Variants in CCDC13 observed in about 807,000 individuals in gnomAD.
CCDC13 encodes the protein coiled-coil domain-containing protein 13.
CCDC13 carries 70 observed loss-of-function variants against 87.3 expected under a neutral mutation model. The ratio of observed to expected loss-of-function variants is 0.80; its 90% CI spans 0.66 to 0.98. The LOEUF is 0.98. CCDC13 is among the 50% of genes least tolerant of loss of function. The probability of loss-of-function intolerance (pLI) is 0.00; values close to 1 mark genes in which losing one functional copy is unlikely to be tolerated. For missense variants in CCDC13, 842 were observed against 892.0 expected, an observed-to-expected ratio of 0.94 and a Z score of 0.71; for synonymous variants, 317 against 360.3, an observed-to-expected ratio of 0.88 and a Z score of 1.36.
intron 13 of CCDC13, among the ~76,000 whole-genome samples, chr3:42,728,068 A>G (rs994098894): frequency 6.6e-6 from 1 of 152,274 alleles, no homozygotes; most frequent in Non-Finnish European, 1.5e-5. Flanking sequence ...GTCATGGTGG[A>G]CTAACCAACT....
chr3:42,717,402 G>A (rs189490143), intron 13 of CCDC13, among the ~76,000 whole-genome samples: 22 of 145,576 alleles, frequency 1.5e-4, no homozygotes, highest in African/African-American at 4.4e-4. Context: ...CTCAAGACTC[G>A]GCAACAAGCG....
chr3:42,733,427 TTAA>T lies in CCDC13; in HGVS notation c.1511+40_1511+42del, dbSNP rs751237295. 3 of 1,611,130 alleles carry T rather than the reference TTAA, an allele frequency of 1.9e-6. No homozygotes were observed. In the South Asian group the frequency reaches 3.3e-5, roughly 18 times the overall value. On this transcript the variant is annotated intron_variant, in intron 11 of 15. Transcript: ENST00000310232. ...AAGAAACAACCTTTCTTCCGAATAA[TTAA>T]TGTTCACTTTCCAACCCCTCCCTCC...
Position 42,747,096 on chromosome 3 carries a change from G to T in CCDC13, c.720+161C>A, listed in dbSNP as rs141346335. 9.3e-4 allele frequency: 705 copies of T among 760,470 alleles called. 4 individuals are homozygous for T. The African/African-American group carries it at 0.011, about 12-fold the overall frequency. 47.1% of individuals were successfully genotyped at this position (760,470 alleles called of 1,614,324 possible). A position where few individuals can be genotyped will look rare whatever the true frequency, so the allele number is the denominator to read the frequency against. On this transcript the variant is annotated intron_variant, in intron 6 of 15. Transcript: ENST00000310232. ...ACCAAATGGTTATGGACCAAGGGCT[G>T]GTGGGAGGAAGGACTGGAACTGGAG...
chr3:42,743,587 T>TTATATATATATATATATATATATA (rs1553690701), intron 7 of CCDC13, among the ~76,000 whole-genome samples: 2,106 of 97,170 alleles, frequency 0.022, 34 homozygotes, highest in East Asian at 0.064. Flanking sequence ...CTGGATAATT[T>TTATATATATATATATATATATATA]TATATATATA....
chr3:42,742,753 C>G (rs1699259917), intron 8 of CCDC13, 143 bp downstream of exon 8: 2 of 968,962 alleles, frequency 2.1e-6, no homozygotes, highest in African/African-American at 1.6e-5. Flanking sequence ...GAGGAACATG[C>G]AGAGGTGACC....
chr3:42,739,604 T>A, intron 9 of CCDC13, 30 bp downstream of exon 9: 1 of 1,602,058 alleles, frequency 6.2e-7, no homozygotes, highest in Non-Finnish European at 8.5e-7. Context: ...CACCCCTGGC[T>A]CTCGCCCTGC....
At chr3:42,732,741 G>A (rs1698873894) in intron 12 of CCDC13, 146 bp downstream of exon 12, 2 of 682,812 alleles carry the variant, frequency 2.9e-6, no homozygotes, top group Non-Finnish European at 2.5e-6. Context: ...GGACTTCCCT[G>A]ATCCTCCCTG....
intron 10 of CCDC13, 96 bp from the exon 11 acceptor site, chr3:42,733,705 G>A: frequency 2.1e-6 from 3 of 1,433,568 alleles, no homozygotes; most frequent in African/African-American, 1.4e-5. Context: ...GGCTTTCAGA[G>A]GATATGAAAG....
intron 14 of CCDC13, among the ~76,000 whole-genome samples, chr3:42,711,246 C>CAAAAAAAAAAAAAA (rs1174084143): frequency 6.6e-5 from 5 of 75,328 alleles, no homozygotes; most frequent in African/African-American, 1.7e-4. Flanking sequence ...ACTCTGTCTC[C>CAAAAAAAAAAAAAA]AAAAAAAAAA....
chr3:42,745,965 G>A lies in CCDC13; in HGVS notation c.783C>T (p.Thr261=), dbSNP rs1424864008. 4 of 1,613,994 alleles carry A rather than the reference G, an allele frequency of 2.5e-6. No homozygotes were observed. The South Asian group carries it at 3.3e-5, about 13-fold the overall frequency. The change falls in exon 7 of 16, where the codon ACC becomes ACT. Residue 261 remains threonine (T), a synonymous_variant. Coordinates refer to ENST00000310232, the MANE Select transcript of CCDC13 (RefSeq NM_144719.4). Reference sequence around the variant, plus strand: ...GAATTTGTTGAGCCCGACCCCTCCAGGTCCCTGGCGAAGATAGGAGCTGCT... The same window carrying A: ...GAATTTGTTGAGCCCGACCCCTCCAAGTCCCTGGCGAAGATAGGAGCTGCT... ...NVQQLLSSPG[T]WRGRAQQILV...
At chr3:42,762,740 C>T (rs1281100983) in intron 1 of CCDC13, among the ~76,000 whole-genome samples, 1 of 152,190 alleles carries the variant, frequency 6.6e-6, no homozygotes, top group Admixed American at 6.5e-5. Context: ...TTGTAATAAA[C>T]AATACATGTG....
rs778229609 is a variant in CCDC13 at position 42,709,666 on chromosome 3, G to A, written c.1988+18C>T. On this transcript the variant is annotated intron_variant, in intron 15 of 15. Transcript: ENST00000310232. ...TCAGACAACCCTACCCTTTCAGGAA[G>A]GCGGGGCAGGGGAGCACCTGGTTGT... 2 of 1,599,356 alleles carry A rather than the reference G, an allele frequency of 1.3e-6. No homozygotes were observed. The highest frequency in any genetic ancestry group is 3.3e-4 in the Middle Eastern group (2 of 6,036).
At chr3:42,722,679 T>C (rs1186291309) in intron 13 of CCDC13, among the ~76,000 whole-genome samples, 4 of 151,902 alleles carry the variant, frequency 2.6e-5, no homozygotes, top group Admixed American at 2.0e-4. Context: ...AGGGGAGGCA[T>C]GAATAATCCA....
intron 13 of CCDC13, among the ~76,000 whole-genome samples, chr3:42,725,269 T>C (rs1426115092): frequency 6.6e-6 from 1 of 152,206 alleles, no homozygotes; most frequent in Non-Finnish European, 1.5e-5. Flanking sequence ...TTTGTGAACA[T>C]TTTAAATGTG....
chr3:42,742,838 G>T, intron 8 of CCDC13, 58 bp downstream of exon 8: 1 of 1,595,284 alleles, frequency 6.3e-7, no homozygotes, highest in South Asian at 1.1e-5. Flanking sequence ...GCCCTTGCAG[G>T]CACCATCATG....
chr3:42,733,442 C>T (rs1428057052), intron 11 of CCDC13, 28 bp downstream of exon 11: 1 of 1,613,310 alleles, frequency 6.2e-7, no homozygotes, highest in East Asian at 2.2e-5. Context: ...GTTCACTTTC[C>T]AACCCCTCCC....
At chr3:42,718,060 G>A (rs1215907363) in intron 13 of CCDC13, 1 of 152,222 alleles carries the variant, frequency 6.6e-6, no homozygotes, top group Non-Finnish European at 1.5e-5. Flanking sequence ...GTTTGAACAA[G>A]AGCAACTCCA....
chr3:42,769,825 C>A (rs1026712266), intron 1 of CCDC13, among the ~76,000 whole-genome samples: 2 of 152,260 alleles, frequency 1.3e-5, no homozygotes, highest in Admixed American at 6.5e-5. Flanking sequence ...TGGCCGCAAG[C>A]CCCTGGCAGT....
rs758937621 is a variant in CCDC13 at position 42,739,618 on chromosome 3, A to G, written c.1164+16T>C. 58 of 1,609,562 alleles carry G rather than the reference A, an allele frequency of 3.6e-5. No homozygotes were observed. The highest frequency in any genetic ancestry group is 4.7e-5 in the Non-Finnish European group (55 of 1,177,696). ...CCACCCCTGGCTCTCGCCCTGCCTG[A>G]GTGGTGGGGCCATACCATGAGGGCG... On this transcript the variant is annotated intron_variant, in intron 9 of 15. Transcript: ENST00000310232.
Sources: allele counts gnomAD v4.1 joint callset (sites outside exome capture counted in the v4.1 genomes callset), GRCh38; gene constraint gnomAD v4.1.1; transcripts MANE v1.5; gene names NCBI Gene and HGNC (gene_info 2026-07-23, HGNC 2026-07-21).